The following SAXO1 variants were observed in gnomAD, a reference collection of about 807,000 sequenced individuals.
SAXO1 encodes the protein 4930500O09Rik.
In SAXO1, 21 loss-of-function variants were observed where a neutral mutation model predicts 17.5. The observed-to-expected ratio is 1.20, with a 90% confidence interval of 0.85 to 1.72. The LOEUF is 1.72. Among genes scored for constraint, SAXO1 ranks in the 40% most tolerant of loss-of-function variants. The probability of loss-of-function intolerance (pLI) is 0.00; values close to 1 mark genes in which losing one functional copy is unlikely to be tolerated. For missense variants in SAXO1, 843 were observed against 596.0 expected (o/e 1.41, Z -4.32); for synonymous variants, 274 against 216.5 (o/e 1.27, Z -2.33).
chr9:18,991,229 C>T (rs958463958), intron 1 of SAXO1, among the ~76,000 whole-genome samples: 7 of 152,278 alleles, frequency 4.6e-5, no homozygotes, highest in Middle Eastern at 3.4e-3. Context: ...CTACACTCCT[C>T]CAGCCTGGGT....
At chr9:19,000,426 G>A (rs966137375) in intron 1 of SAXO1, among the ~76,000 whole-genome samples, 1 of 151,954 alleles carries the variant, frequency 6.6e-6, no homozygotes, top group Non-Finnish European at 1.5e-5. Flanking sequence ...AGTCTGGGAA[G>A]TGAGGAATGC....
At chr9:18,941,524 G>T in intron 3 of SAXO1, 113 bp downstream of exon 3, 1 of 1,211,838 alleles carries the variant, frequency 8.3e-7, no homozygotes. Flanking sequence ...TGGCCCGTAG[G>T]AAGTAGTCTG....
chr9:18,996,891 A>G (rs564437694), intron 1 of SAXO1, among the ~76,000 whole-genome samples: 2 of 152,324 alleles, frequency 1.3e-5, no homozygotes, highest in East Asian at 3.9e-4. Flanking sequence ...TTGGAAAGGA[A>G]GAGGTAAAAT....
chr9:18,992,325 G>A (rs1257572091), intron 1 of SAXO1, among the ~76,000 whole-genome samples: 1 of 152,180 alleles, frequency 6.6e-6, no homozygotes, highest in Non-Finnish European at 1.5e-5. Flanking sequence ...AGAGGCTCAG[G>A]TGTTCCTTGG....
At chr9:18,947,901 T>A (rs1831862683) in intron 2 of SAXO1, among the ~76,000 whole-genome samples, 1 of 152,192 alleles carries the variant, frequency 6.6e-6, no homozygotes, top group African/African-American at 2.4e-5. Flanking sequence ...AGAAACCAGG[T>A]GTTTTTTTGT....
At chr9:19,038,854 T>C (rs1836009673) in intron 1 of SAXO1, among the ~76,000 whole-genome samples, 1 of 151,894 alleles carries the variant, frequency 6.6e-6, no homozygotes, top group African/African-American at 2.4e-5. Context: ...AAAAAAATGG[T>C]AACTTGAATA....
At chr9:18,939,453 C>T (rs879531069) in intron 3 of SAXO1, among the ~76,000 whole-genome samples, 1 of 152,334 alleles carries the variant, frequency 6.6e-6, no homozygotes, top group African/African-American at 2.4e-5. Context: ...GTACACAATG[C>T]ATGATAAGAC....
intron 1 of SAXO1, among the ~76,000 whole-genome samples, chr9:19,029,941 A>C (rs1835680637): frequency 6.6e-6 from 1 of 152,228 alleles, no homozygotes; most frequent in Non-Finnish European, 1.5e-5. Flanking sequence ...TTAATAAAGA[A>C]AACTGTGTTG....
chr9:19,046,429 C>T (rs1482138742), intron 1 of SAXO1, among the ~76,000 whole-genome samples: 1 of 152,192 alleles, frequency 6.6e-6, no homozygotes, highest in Non-Finnish European at 1.5e-5. Flanking sequence ...GGTGCGGTGG[C>T]TCACGCCTGT....
rs1180059005 is a variant in SAXO1 at position 18,964,588 on chromosome 9, GT to G, written c.39-13652del. ...GGTATTTATGGCAGTTTATATTTCT[GT>G]GGGATCAGTGGTGATATTCCCTTTA... On this transcript the variant is annotated intron_variant, in intron 1 of 3. Transcript: ENST00000380534. Among the ~76,000 whole-genome samples the G allele has an allele frequency of 2.0e-5, 3 of 152,194 alleles. No individual in the cohort carries two copies. The East Asian group carries it at 5.8e-4, about 29-fold the overall frequency.
intron 3 of SAXO1, among the ~76,000 whole-genome samples, chr9:18,938,716 C>G (rs1015206621): frequency 1.3e-5 from 2 of 151,816 alleles, no homozygotes; most frequent in African/African-American, 4.8e-5. Flanking sequence ...AAGAGGACAG[C>G]CTGAGATGTA....
At chr9:18,940,704 T>C (rs932662148) in intron 3 of SAXO1, among the ~76,000 whole-genome samples, 2 of 152,230 alleles carry the variant, frequency 1.3e-5, no homozygotes, top group Non-Finnish European at 2.9e-5. Flanking sequence ...TCCAGTCTCA[T>C]GGTCTCAGTC....
In SAXO1 at chr9:18,995,034, T is replaced by A. The variant is rs73433224; in HGVS notation, c.38+37837A>T. Among the ~76,000 whole-genome samples the A allele has an allele frequency of 8.5e-3, 1,292 of 152,342 alleles. 22 individuals carry two copies. Among genetic ancestry groups the A allele is most frequent in the African/African-American group, 0.03 (1,235 of 41,578 alleles). On this transcript the variant is annotated intron_variant, in intron 1 of 3. Transcript: ENST00000380534. ...CCAGGAAGAGACTGAGTTTTTCTTT[T>A]TGAAATGCACAAAATAACTATAAAA...
Position 18,975,403 on chromosome 9 carries a change from C to T in SAXO1, c.39-24466G>A, listed in dbSNP as rs539993475. 9.8e-5 allele frequency among the ~76,000 whole-genome samples: 15 copies of T among 152,334 alleles called. 1 individual carries two copies. Among genetic ancestry groups the T allele is most frequent in the African/African-American group, 3.6e-4 (15 of 41,566 alleles). On this transcript the variant is annotated intron_variant, in intron 1 of 3. Transcript: ENST00000380534. Reference sequence around the variant, plus strand: ...ACTACCGCTCTGCACATATGTCAGACATGTCTAATCACAGCACTTTATGCA... The same window carrying T: ...ACTACCGCTCTGCACATATGTCAGATATGTCTAATCACAGCACTTTATGCA...
upstream of SAXO1, among the ~76,000 whole-genome samples, chr9:19,037,435 G>C (rs543676715): frequency 6.6e-6 from 1 of 152,266 alleles, no homozygotes; most frequent in South Asian, 2.1e-4. Context: ...GTTGTGGGAG[G>C]GACCCAGTGG....
intron 1 of SAXO1, among the ~76,000 whole-genome samples, chr9:18,988,149 A>AT (rs1833669631): frequency 6.6e-6 from 1 of 152,188 alleles, no homozygotes; most frequent in Non-Finnish European, 1.5e-5. Flanking sequence ...GCAGTCACAG[A>AT]TTTTAGTTTG....
At chr9:19,043,862 G>A (rs180987338) in intron 1 of SAXO1, among the ~76,000 whole-genome samples, 281 of 152,072 alleles carry the variant, frequency 1.8e-3, no homozygotes, top group Admixed American at 3.0e-3. Context: ...GAGTATAATT[G>A]AGCCTGGCAC....
At chr9:18,955,310 AATT>A (rs1409259541) in intron 1 of SAXO1, among the ~76,000 whole-genome samples, 1 of 152,258 alleles carries the variant, frequency 6.6e-6, no homozygotes, top group Non-Finnish European at 1.5e-5. Context: ...TCCATTTAAA[AATT>A]ATTAATGAGA....
In SAXO1 at chr9:18,978,158, A is replaced by G. The variant is rs369819007; in HGVS notation, c.39-27221T>C. Among the ~76,000 whole-genome samples, 7 of 152,174 alleles carry G rather than the reference A, an allele frequency of 4.6e-5. No individual in the cohort carries two copies. In the East Asian group the frequency reaches 1.2e-3, roughly 25 times the overall value. ...TATGTACTCAACTACCAGCTCTCCA[A>G]TTGACCAAATTCTCTTCTCAGGTCC... On this transcript the variant is annotated intron_variant, in intron 1 of 3. Transcript: ENST00000380534.
Sources: allele counts gnomAD v4.1 joint callset (sites outside exome capture counted in the v4.1 genomes callset), GRCh38; gene constraint gnomAD v4.1.1; transcripts MANE v1.5; gene names NCBI Gene and HGNC (gene_info 2026-07-23, HGNC 2026-07-21).